PRPF8: variants seen among roughly 807,000 people sequenced by gnomAD.
PRPF8 encodes pre-mRNA processing factor 8, also known as pre-mRNA-processing-splicing factor 8.
PRPF8 carries 64 observed loss-of-function variants against 285.9 expected under a neutral mutation model. That is an observed-to-expected ratio of 0.22 (90% CI 0.18 to 0.28). The LOEUF (loss-of-function observed/expected upper bound fraction) is 0.28. Ranked by LOEUF, PRPF8 falls within the 10% of genes least tolerant of loss-of-function variation. The pLI, the probability that PRPF8 is intolerant of heterozygous loss-of-function variation, is 1.00. For synonymous variants in PRPF8, 1,325 were observed against 1,118.2 expected, an observed-to-expected ratio of 1.18 and a Z score of -3.69; for missense variants, 1,426 against 3,026.7, an observed-to-expected ratio of 0.47 and a Z score of 12.41.
In PRPF8 at chr17:1,653,307, G is replaced by T; in HGVS notation, c.6369+235C>A. ...CAGGAATTTGTTTCTGACCATATCT[G>T]TTCTCTTCCAAATACTATCAGGCCA... On this transcript the variant is annotated intron_variant, in intron 39 of 42. Transcript: ENST00000304992. This position sits in a 1 kb window ranked among gnomAD's most constrained non-coding sequence, Gnocchi z 4.9. 1.6e-6 allele frequency: 1 copy of T among 632,460 alleles called. No individual in the cohort carries two copies. The highest frequency in any genetic ancestry group is 2.8e-6 in the Non-Finnish European group (1 of 354,936). 39.2% of individuals were successfully genotyped at this position (632,460 alleles called of 1,614,324 possible).
In PRPF8 at chr17:1,675,395, C is replaced by A; in HGVS notation, c.2873-56G>T. 5.0e-6 allele frequency: 8 copies of A among 1,586,188 alleles called. No homozygotes were observed. The highest frequency in any genetic ancestry group is 6.9e-6 in the Non-Finnish European group (8 of 1,156,020). On this transcript the variant is annotated intron_variant, in intron 19 of 42. Coordinates refer to ENST00000304992, the MANE Select transcript of PRPF8 (RefSeq NM_006445.4). This position sits in a 1 kb window ranked among gnomAD's most constrained non-coding sequence, Gnocchi z 6.0. ...GTTAGAAATCCTCTTGCAAGACTAG[C>A]CCCACAGGAACTATCATTACCTTCC...
rs1003753685 is a variant in PRPF8 at position 1,677,772 on chromosome 17, G to C, written c.1855-78C>G. The C allele has an allele frequency of 3.8e-6, 6 of 1,573,454 alleles. No homozygotes were observed. In the Admixed American group the frequency reaches 1.0e-4, roughly 26 times the overall value. On this transcript the variant is annotated intron_variant, in intron 13 of 42. Transcript: ENST00000304992. ...CAATAGAAACCTGGGCAGAGGTGGG[G>C]CATATATGTATAATATACATACAGA...
chr17:1,682,391 C>A, intron 3 of PRPF8, 98 bp from the exon 4 acceptor site: 1 of 1,472,984 alleles, frequency 6.8e-7, no homozygotes, highest in Non-Finnish European at 9.4e-7. Context: ...CACAGTCCTA[C>A]CTTACAATCC....
At chr17:1,680,903 C>T (rs753642801) in intron 7 of PRPF8, 26 bp downstream of exon 7, 2 of 1,614,152 alleles carry the variant, frequency 1.2e-6, no homozygotes, top group Non-Finnish European at 1.7e-6. Context: ...TTCTCCTTTC[C>T]AAATGTTGTG....
At chr17:1,656,256 C>T (rs1911379873) in intron 36 of PRPF8, 136 bp downstream of exon 36, 1 of 1,167,674 alleles carries the variant, frequency 8.6e-7, no homozygotes, top group South Asian at 1.3e-5. Flanking sequence ...AGGTCTTAAA[C>T]TCTCATGAAA....
chr17:1,683,771 T>A, intron 2 of PRPF8, 70 bp from the exon 3 acceptor site: 1 of 1,574,342 alleles, frequency 6.4e-7, no homozygotes, highest in Non-Finnish European at 8.7e-7. Flanking sequence ...TGCCCTAGGG[T>A]AAGCTCCTGT....
intron 1 of PRPF8, 42 bp from the exon 2 acceptor site, chr17:1,684,624 C>G (rs1273306332): frequency 6.3e-6 from 10 of 1,587,404 alleles, no homozygotes; most frequent in Non-Finnish European, 7.8e-6. Context: ...ACCACAGGCC[C>G]GGGCCCACAA....
intron 6 of PRPF8, 123 bp downstream of exon 6, chr17:1,681,355 A>T: frequency 8.6e-7 from 1 of 1,162,592 alleles, no homozygotes; most frequent in Non-Finnish European, 1.3e-6. Context: ...TGCTGAGATT[A>T]CAGCGTGAGC....
rs898558099 is a variant in PRPF8, at chr17:1,676,607, G to A, written c.2286C>T (p.Arg762=). Residue 762 remains arginine, a synonymous_variant, in exon 16 of 43, where the codon CGC becomes CGT. Coordinates refer to ENST00000304992, the MANE Select transcript of PRPF8 (RefSeq NM_006445.4). The surrounding 1 kb of genome is among the most constrained non-coding windows in gnomAD (Gnocchi z 6.3). ...CAGTCTTGTCCACAGTGGCCCCTCG[G>A]CGGATCCGTTCTCGGTTGTAGTGGG... The part of the protein sequence containing the change: ...NTAHYNRERI[R]RGATVDKTVC... The A allele has an allele frequency of 1.2e-5, 19 of 1,614,158 alleles. No homozygotes were observed. Among genetic ancestry groups the A allele is most frequent in the Non-Finnish European group, 1.5e-5 (18 of 1,180,048 alleles).
chr17:1,656,720 G>A lies in PRPF8; in HGVS notation c.5547C>T (p.Ile1849=). 6.2e-7 allele frequency: 1 copy of A among 1,614,084 alleles called. No individual in the cohort carries two copies. The highest frequency in any genetic ancestry group is 8.5e-7 in the Non-Finnish European group (1 of 1,180,032). ...WKTAEEVAAL[I]RSLPVEEQPK... ...GCTGCTCCTCCACAGGCAGAGATCG[G>A]ATCAGGGCGGCCACCTCCTCAGCTG... The change falls in exon 35 of 43, where the codon ATC becomes ATT. Residue 1849 remains isoleucine (I), a synonymous_variant. Coordinates refer to ENST00000304992, the MANE Select transcript of PRPF8 (RefSeq NM_006445.4).
chr17:1,681,675 G>T lies in PRPF8; in HGVS notation c.669C>A (p.Ser223=). Residue 223 remains serine, a synonymous_variant, in exon 6 of 43, where the codon TCC becomes TCA. Coordinates refer to ENST00000304992, the MANE Select transcript of PRPF8 (RefSeq NM_006445.4). ...GTGTGAACTGCCAGCGCTGGTAAGTGGAGCCATTTACATACCTAGGTAAAA... is the reference window on the plus strand; with the variant it reads ...GTGTGAACTGCCAGCGCTGGTAAGTTGAGCCATTTACATACCTAGGTAAAA... ...LRDSRKYVNG[S]TYQRWQFTLP... The T allele has an allele frequency of 6.2e-7, 1 of 1,614,094 alleles. No individual in the cohort carries two copies. The highest frequency in any genetic ancestry group is 8.5e-7 in the Non-Finnish European group (1 of 1,180,012).
At chr17:1,666,597 A>G (rs1912000888) in intron 24 of PRPF8, among the ~76,000 whole-genome samples, 1 of 152,184 alleles carries the variant, frequency 6.6e-6, no homozygotes, top group African/African-American at 2.4e-5. Flanking sequence ...ATAAAAATTA[A>G]TGAAACCAAA....
intron 34 of PRPF8, among the ~76,000 whole-genome samples, chr17:1,657,971 A>C (rs1182274443): frequency 1.3e-3 from 116 of 92,370 alleles, no homozygotes; most frequent in Non-Finnish European, 2.0e-3. Context: ...ACTCCGGCTA[A>C]AAAAAAAAAA....
chr17:1,663,267 G>T (rs1911774090), intron 24 of PRPF8, among the ~76,000 whole-genome samples: 1 of 151,668 alleles, frequency 6.6e-6, no homozygotes, highest in Non-Finnish European at 1.5e-5. Context: ...AAATTCAGAA[G>T]AAGGCAGGAC....
rs368736115 is a variant in PRPF8 at position 1,651,857 on chromosome 17, C to T, written c.6370-69G>A. ...GGTCAGAGTTGGAGCTGCCAGCCCT[C>T]TGTTTCCTTCCTTCCCCCAAGAACG... On this transcript the variant is annotated intron_variant, in intron 39 of 42. Coordinates refer to ENST00000304992, the MANE Select transcript of PRPF8 (RefSeq NM_006445.4). This position sits in a 1 kb window ranked among gnomAD's most constrained non-coding sequence, Gnocchi z 5.1. 1.2e-5 allele frequency: 19 copies of T among 1,561,234 alleles called. No individual in the cohort carries two copies. The highest frequency in any genetic ancestry group is 6.8e-5 in the African/African-American group (5 of 73,834).
At chr17:1,654,579 A>G (rs987664285) in intron 37 of PRPF8, 1 of 211,120 alleles carries the variant, frequency 4.7e-6, no homozygotes, top group East Asian at 1.1e-4. Flanking sequence ...GATGCTTCCC[A>G]TACTATTCGA....
In PRPF8 at chr17:1,675,702, G is replaced by A. The variant is rs779910932; in HGVS notation, c.2790C>T (p.Ala930=). Reference sequence around the variant, plus strand: ...AGGGTGGGAACAGGCGGCGCTTGTCGGCTTCATACCACAGGTACTGGTCCA... The same window carrying A: ...AGGGTGGGAACAGGCGGCGCTTGTCAGCTTCATACCACAGGTACTGGTCCA... ...AYLDQYLWYE[A]DKRRLFPPWI... Residue 930 remains alanine (A), a synonymous_variant, in exon 19 of 43, where the codon GCC becomes GCT. Transcript: ENST00000304992. The surrounding 1 kb of genome is among the most constrained non-coding windows in gnomAD (Gnocchi z 6.0). The A allele has an allele frequency of 1.4e-5, 22 of 1,614,100 alleles. No individual in the cohort carries two copies. The highest frequency in any genetic ancestry group is 2.2e-5 in the South Asian group (2 of 91,076).
rs78729451 is a variant in PRPF8 at position 1,656,918 on chromosome 17, C to T, written c.5506-157G>A. Among the ~76,000 whole-genome samples, 463 of 152,244 alleles carry T rather than the reference C, an allele frequency of 3.0e-3. 8 individuals carry two copies. In the East Asian group the frequency reaches 0.062, roughly 20 times the overall value. ...GAAGGTACAAAGAGTATCAAATGGCCGTGTCCAATGACCAGGCTGACAGCC... is the reference window on the plus strand; with the variant it reads ...GAAGGTACAAAGAGTATCAAATGGCTGTGTCCAATGACCAGGCTGACAGCC... On this transcript the variant is annotated intron_variant, in intron 34 of 42. Transcript: ENST00000304992.
Position 1,666,940 on chromosome 17 carries a change from C to T in PRPF8, c.3775-4787G>A, listed in dbSNP as rs1343589755. On this transcript the variant is annotated intron_variant, in intron 24 of 42. Coordinates refer to ENST00000304992, the MANE Select transcript of PRPF8 (RefSeq NM_006445.4). ...CTGTAATCCCAGCACTTTGGGAGGC[C>T]GAGGCGGTTGGATCATGAGGTCAGG... 3.9e-5 allele frequency among the ~76,000 whole-genome samples: 6 copies of T among 151,942 alleles called. No individual in the cohort carries two copies. The South Asian group carries it at 6.2e-4, about 16-fold the overall frequency.
Sources: allele counts gnomAD v4.1 joint callset (sites outside exome capture counted in the v4.1 genomes callset), GRCh38; gene constraint gnomAD v4.1.1; non-coding constraint Gnocchi (gnomAD v3.1); transcripts MANE v1.5; gene names NCBI Gene and HGNC (gene_info 2026-07-23, HGNC 2026-07-21).